Variants in DIAPH2 observed in about 807,000 individuals in gnomAD.
DIAPH2 encodes the protein protein diaphanous homolog 2.
DIAPH2 carries 35 observed loss-of-function variants against 92.7 expected under a neutral mutation model. The observed-to-expected ratio is 0.38, with a 90% CI of 0.29 to 0.50. The LOEUF (loss-of-function observed/expected upper bound fraction) is 0.50. DIAPH2 is among the 20% of genes least tolerant of loss of function. The pLI, the probability that DIAPH2 is intolerant of heterozygous loss-of-function variation, is 0.94. For synonymous variants in DIAPH2, 301 were observed against 280.4 expected (o/e 1.07, Z -0.73); for missense variants, 701 against 819.5 (o/e 0.86, Z 1.77).
At chrX:97,247,967 G>A in intron 23 of DIAPH2, 128 bp downstream of exon 23, 3 of 586,723 alleles carry the variant, frequency 5.1e-6, no homozygotes, top group Non-Finnish European at 7.5e-6. Context: ...TGTATATGCT[G>A]TTTTTCTATT....
intron 4 of DIAPH2, among the ~76,000 whole-genome samples, chrX:96,843,604 G>C (rs746370212): frequency 2.6e-4 from 29 of 110,881 alleles, no homozygotes; most frequent in Non-Finnish European, 4.3e-4. Context: ...CAGATACTTG[G>C]AAGGGCAAGA....
intron 3 of DIAPH2, among the ~76,000 whole-genome samples, chrX:96,747,266 C>G (rs1369929704): frequency 2.7e-5 from 3 of 111,287 alleles, no homozygotes; most frequent in Non-Finnish European, 5.7e-5. Context: ...CAAGGAACTC[C>G]CAAGTGGAGG....
intron 26 of DIAPH2, among the ~76,000 whole-genome samples, chrX:97,518,202 C>T (rs1392460232): frequency 5.4e-5 from 6 of 111,733 alleles, no homozygotes. Context: ...CCTAGTAGGC[C>T]ATTTTATTTT....
intron 24 of DIAPH2, among the ~76,000 whole-genome samples, chrX:97,368,302 T>G (rs2069402871): frequency 8.9e-6 from 1 of 111,996 alleles, no homozygotes; most frequent in African/African-American, 3.2e-5. Context: ...GTTATATCCC[T>G]TAATTCAATC....
At chrX:97,102,029 T>C (rs1256781730) in intron 20 of DIAPH2, among the ~76,000 whole-genome samples, 1 of 112,314 alleles carries the variant, frequency 8.9e-6, no homozygotes, top group Admixed American at 9.4e-5. Flanking sequence ...ACATTATTAG[T>C]GTATTTATCA....
intron 22 of DIAPH2, among the ~76,000 whole-genome samples, chrX:97,223,774 G>A (rs755619898): frequency 2.7e-5 from 3 of 111,703 alleles, no homozygotes; most frequent in Non-Finnish European, 5.6e-5. Flanking sequence ...TTCATAGTTA[G>A]TTGTTTTGGG....
At chrX:97,300,966 G>GAAAAAAA (rs2068697171) in intron 23 of DIAPH2, among the ~76,000 whole-genome samples, 1 of 15,581 alleles carries the variant, frequency 6.4e-5, no homozygotes, top group Admixed American at 1.7e-3. Context: ...AAAAAAAAAA[G>GAAAAAAA]AAGAAGAAGA....
At chrX:97,214,215 A>T (rs186196811) in intron 22 of DIAPH2, among the ~76,000 whole-genome samples, 54 of 112,493 alleles carry the variant, frequency 4.8e-4, no homozygotes, top group African/African-American at 1.7e-3. Flanking sequence ...TTGAAATTGT[A>T]CAATTGTATA....
At position 97,076,877 on chromosome X, in the gene DIAPH2, A is replaced by G. The variant is rs533755736; in HGVS notation, c.2247+1616A>G. On this transcript the variant is annotated intron_variant, in intron 19 of 26. Coordinates refer to ENST00000324765, the MANE Select transcript of DIAPH2 (RefSeq NM_006729.5). ...TTTCATGTATCTGTATATTTTACCCATATCCTGCTTTACCCACCAATTTTG... is the reference window on the plus strand; with the variant it reads ...TTTCATGTATCTGTATATTTTACCCGTATCCTGCTTTACCCACCAATTTTG... 1.3e-4 allele frequency among the ~76,000 whole-genome samples: 14 copies of G among 111,364 alleles called. No individual in the cohort carries two copies. The South Asian group carries it at 1.5e-3, about 12-fold the overall frequency.
intron 19 of DIAPH2, among the ~76,000 whole-genome samples, chrX:97,075,531 T>G (rs1814605749): frequency 8.9e-6 from 1 of 111,915 alleles, no homozygotes; most frequent in African/African-American, 3.2e-5. Context: ...TTGTCCATTA[T>G]TCACTGTACA....
At chrX:96,967,796 G>T (rs928491490) in intron 17 of DIAPH2, among the ~76,000 whole-genome samples, 6 of 111,254 alleles carry the variant, frequency 5.4e-5, no homozygotes, top group Non-Finnish European at 1.1e-4. Flanking sequence ...CCAGTCCATT[G>T]TTGATGGGCA....
chrX:96,882,916 G>A (rs1425452516), intron 5 of DIAPH2, among the ~76,000 whole-genome samples: 3 of 83,009 alleles, frequency 3.6e-5, no homozygotes, highest in African/African-American at 1.6e-4. Context: ...CCCATATCCC[G>A]CCACTGCACT....
At chrX:96,958,263 G>C (rs1396261289) in intron 16 of DIAPH2, 115 bp downstream of exon 16, 1 of 823,534 alleles carries the variant, frequency 1.2e-6, no homozygotes, top group Admixed American at 4.6e-5. Flanking sequence ...TTCCTTTGTG[G>C]GTTCATCATT....
chrX:97,582,878 TA>T (rs2071450228), intron 26 of DIAPH2, among the ~76,000 whole-genome samples: 1 of 111,346 alleles, frequency 9.0e-6, no homozygotes, highest in Admixed American at 9.5e-5. Flanking sequence ...CGTTTCTTTT[TA>T]TTCTTTTTTC....
At chrX:97,572,061 G>A (rs762232039) in intron 26 of DIAPH2, among the ~76,000 whole-genome samples, 106 of 98,376 alleles carry the variant, frequency 1.1e-3, no homozygotes, top group African/African-American at 3.4e-3. Context: ...GCAGGAACTT[G>A]TGCTAGTCTC....
At chrX:97,436,007 G>A (rs1311971947) in intron 26 of DIAPH2, among the ~76,000 whole-genome samples, 3 of 110,068 alleles carry the variant, frequency 2.7e-5, no homozygotes, top group Non-Finnish European at 5.7e-5. Context: ...GGGTTTCACC[G>A]TGTTAGCCAG....
intron 3 of DIAPH2, among the ~76,000 whole-genome samples, chrX:96,754,923 C>CA (rs1007573600): frequency 0.048 from 759 of 15,895 alleles, 78 homozygotes; most frequent in East Asian, 0.066. Flanking sequence ...GTCTCCACCT[C>CA]AAAAAAAAAA....
At chrX:97,458,262 A>AG (rs1411098119) in intron 26 of DIAPH2, among the ~76,000 whole-genome samples, 1 of 105,273 alleles carries the variant, frequency 9.5e-6, no homozygotes, top group Non-Finnish European at 2.0e-5. Context: ...TGTAATTTTC[A>AG]GGGGTTTTTT....
chrX:97,313,142 G>A (rs997330425), intron 23 of DIAPH2, among the ~76,000 whole-genome samples: 17 of 110,822 alleles, frequency 1.5e-4, no homozygotes, highest in Non-Finnish European at 1.1e-4. Context: ...CCGAGATCGC[G>A]CCACTGCACT....
Sources: gnomAD v4.1 joint callset for allele counts (sites outside exome capture counted in the v4.1 genomes callset) on GRCh38, gnomAD v4.1.1 for gene constraint, MANE v1.5 for transcripts, NCBI Gene and HGNC (gene_info 2026-07-23, HGNC 2026-07-21) for gene names.